Variants in CFAP20DC observed in about 807,000 individuals in gnomAD.
The protein encoded by CFAP20DC is protein CFAP20DC.
A neutral mutation model predicts 101.7 loss-of-function variants in CFAP20DC; 84 were observed. That is an observed-to-expected ratio of 0.83 (90% confidence interval 0.69 to 0.99). The LOEUF is 0.99. CFAP20DC is among the 50% of genes least tolerant of loss of function. The pLI is 0.00. For missense variants in CFAP20DC, 1,007 were observed against 970.3 expected (o/e 1.04, Z -0.50); for synonymous variants, 359 against 351.2 (o/e 1.02, Z -0.25).
rs536915958 is a variant in CFAP20DC, at chr3:58,999,328, T to G, written c.278+40229A>C. Among the ~76,000 whole-genome samples the G allele has an allele frequency of 1.9e-4, 29 of 152,280 alleles. 1 individual carries two copies. In the South Asian group the frequency reaches 4.8e-3, roughly 25 times the overall value. ...GGCCTTGAAAAATGCCGACTAGAGA[T>G]AGCAGCAAGGAGGCTGCTCCAGGCT... On this transcript the variant is annotated intron_variant, in intron 4 of 16. Transcript: ENST00000482387.
intron 4 of CFAP20DC, among the ~76,000 whole-genome samples, chr3:58,974,337 C>T (rs187715988): frequency 2.0e-5 from 3 of 152,234 alleles, no homozygotes; most frequent in South Asian, 2.1e-4. Context: ...TTAGCTCCCA[C>T]TTTAAGTGAG....
At chr3:58,884,748 C>T (rs201305207) in intron 6 of CFAP20DC, 39 bp from the exon 7 acceptor site, 1 of 1,527,084 alleles carries the variant, frequency 6.5e-7, no homozygotes, top group Admixed American at 1.8e-5. Context: ...AAAATGTAAG[C>T]CATTTCTGCC....
intron 5 of CFAP20DC, among the ~76,000 whole-genome samples, chr3:58,934,387 AT>A (rs1326606880): frequency 6.6e-6 from 1 of 152,182 alleles, no homozygotes; most frequent in Non-Finnish European, 1.5e-5. Flanking sequence ...ATTCCAATCA[AT>A]AGAAAAAGAA....
At position 58,818,163 on chromosome 3, in the gene CFAP20DC, C is replaced by G. The variant is rs1460829835; in HGVS notation, c.2176-11707G>C. 2.6e-4 allele frequency among the ~76,000 whole-genome samples: 39 copies of G among 151,576 alleles called. 1 individual carries two copies. The highest frequency in any genetic ancestry group is 9.2e-4 in the African/African-American group (38 of 41,270). ...AAGCGCTAAACATGGAAAGGAACAA[C>G]CGGTACCAGCCGCTGCAAAATCATG... On this transcript the variant is annotated intron_variant, in intron 14 of 16. Transcript: ENST00000482387.
At chr3:58,730,633 A>G (rs1246885279) in intron 3 of CFAP20DC, among the ~76,000 whole-genome samples, 1 of 152,182 alleles carries the variant, frequency 6.6e-6, no homozygotes, top group African/African-American at 2.4e-5. Flanking sequence ...AATCAGATGC[A>G]TTTGCCATCC....
rs1028722926 is a variant in CFAP20DC, at chr3:58,899,752, G to A, written c.550+13956C>T. Among the ~76,000 whole-genome samples the A allele has an allele frequency of 6.6e-6, 1 of 152,142 alleles. No individual in the cohort carries two copies. The highest frequency in any genetic ancestry group is 1.5e-5 in the Non-Finnish European group (1 of 68,020). On this transcript the variant is annotated intron_variant, in intron 6 of 16. Transcript: ENST00000482387. This position sits in a 1 kb window ranked among gnomAD's most constrained non-coding sequence, Gnocchi z 5.0. ...GACTGTTGGCTTCATGCCACTCCCG[G>A]ATGGGCCATCACCCCACCCTGCTTT...
rs530079838 is a variant in CFAP20DC, at chr3:58,862,412, C to T, written c.1593+1146G>A. 4 of 985,366 alleles carry T rather than the reference C, an allele frequency of 4.1e-6. No individual in the cohort carries two copies. In the East Asian group the frequency reaches 4.5e-4, roughly 112 times the overall value. 61.0% of individuals were successfully genotyped at this position (985,366 alleles called of 1,614,324 possible). A position where few individuals can be genotyped will look rare whatever the true frequency, so the allele number is the denominator to read the frequency against. ...GTGTCCAGCAGCAACACTTAAAATG[C>T]TAGCATCAAATGCACTATTTATGTA... On this transcript the variant is annotated intron_variant, in intron 12 of 16. Coordinates refer to ENST00000482387, the MANE Select transcript of CFAP20DC (RefSeq NM_001394063.1).
At chr3:58,845,271 C>A (rs896237604) in intron 13 of CFAP20DC, among the ~76,000 whole-genome samples, 23 of 150,568 alleles carry the variant, frequency 1.5e-4, no homozygotes, top group African/African-American at 5.4e-4. Context: ...TCTAGCAAGA[C>A]TAATAAAGAA....
At chr3:58,895,827 G>GC (rs1477382755) in intron 6 of CFAP20DC, among the ~76,000 whole-genome samples, 1 of 152,186 alleles carries the variant, frequency 6.6e-6, no homozygotes, top group Non-Finnish European at 1.5e-5. Context: ...ATGGTGAAAG[G>GC]CAAGGAGGAG....
chr3:58,868,676 C>A lies in CFAP20DC; in HGVS notation c.1015+652G>T, dbSNP rs976046934. ...TTCCTTATTTCAGTTTCATACTCCACGAGGGAAATTTTCTGTGACAGTGAT... is the reference window on the plus strand; with the variant it reads ...TTCCTTATTTCAGTTTCATACTCCAAGAGGGAAATTTTCTGTGACAGTGAT... On this transcript the variant is annotated intron_variant, in intron 9 of 16. Coordinates refer to ENST00000482387, the MANE Select transcript of CFAP20DC (RefSeq NM_001394063.1). The surrounding 1 kb of genome is among the most constrained non-coding windows in gnomAD (Gnocchi z 4.6). Among the ~76,000 whole-genome samples the A allele has an allele frequency of 6.6e-5, 10 of 152,042 alleles. No individual in the cohort carries two copies. The highest frequency in any genetic ancestry group is 2.4e-4 in the African/African-American group (10 of 41,404).
intron 4 of CFAP20DC, among the ~76,000 whole-genome samples, chr3:58,948,648 C>A (rs1231437769): frequency 6.6e-6 from 1 of 152,200 alleles, no homozygotes; most frequent in East Asian, 1.9e-4. Context: ...CCCACTTGAT[C>A]ATGGTGGATA....
intron 15 of CFAP20DC, among the ~76,000 whole-genome samples, chr3:58,759,278 C>G (rs2107333861): frequency 6.6e-6 from 1 of 152,340 alleles, no homozygotes; most frequent in East Asian, 1.9e-4. Flanking sequence ...TTGCATTTCT[C>G]TGATGGCCAG....
At chr3:58,760,307 G>C (rs1203032619) in intron 15 of CFAP20DC, among the ~76,000 whole-genome samples, 1 of 152,178 alleles carries the variant, frequency 6.6e-6, no homozygotes, top group African/African-American at 2.4e-5. Context: ...TTGTGAATGG[G>C]AGTTCACTCA....
At chr3:58,770,325 G>A (rs150170842) in intron 15 of CFAP20DC, among the ~76,000 whole-genome samples, 217 of 152,172 alleles carry the variant, frequency 1.4e-3, no homozygotes, top group African/African-American at 4.8e-3. Flanking sequence ...GATGTTTATC[G>A]AGCCCCTGTG....
chr3:58,842,223 C>T (rs1442845327), intron 13 of CFAP20DC, among the ~76,000 whole-genome samples: 7 of 152,212 alleles, frequency 4.6e-5, no homozygotes, highest in South Asian at 2.1e-4. Context: ...ACGCAGAAGA[C>T]GGGTGATTTC....
chr3:58,860,175 C>CAAAAAAAAAAAAAAAA (rs10575757), intron 12 of CFAP20DC, among the ~76,000 whole-genome samples: 1 of 78,190 alleles, frequency 1.3e-5, no homozygotes, highest in Non-Finnish European at 2.6e-5. Flanking sequence ...AACTCCATCT[C>CAAAAAAAAAAAAAAAA]AAAAAAAAAA....
At chr3:58,855,556 T>C (rs548248404) in intron 12 of CFAP20DC, among the ~76,000 whole-genome samples, 19 of 152,216 alleles carry the variant, frequency 1.2e-4, no homozygotes, top group Admixed American at 1.0e-3. Context: ...TGCGGCATTA[T>C]TCACAATAGC....
chr3:59,008,288 G>A (rs1210755383), intron 4 of CFAP20DC, among the ~76,000 whole-genome samples: 1 of 152,134 alleles, frequency 6.6e-6, no homozygotes, highest in Non-Finnish European at 1.5e-5. Context: ...CTTTCCTGGT[G>A]ACCTGGCATG....
At chr3:58,812,596 A>C (rs973777355) in intron 14 of CFAP20DC, among the ~76,000 whole-genome samples, 2 of 151,782 alleles carry the variant, frequency 1.3e-5, no homozygotes, top group South Asian at 2.1e-4. Context: ...AGGAGATATA[A>C]CTAATGCTAA....
Sources: gnomAD v4.1 joint callset for allele counts (sites outside exome capture counted in the v4.1 genomes callset) on GRCh38, gnomAD v4.1.1 for gene constraint, Gnocchi (gnomAD v3.1) non-coding constraint, MANE v1.5 for transcripts, NCBI Gene and HGNC (gene_info 2026-07-23, HGNC 2026-07-21) for gene names.